The following ARID1B variants were observed in gnomAD, a reference collection of about 807,000 sequenced individuals.
ARID1B encodes AT-rich interactive domain-containing protein 1B.
ARID1B carries 30 observed loss-of-function variants against 212.3 expected under a neutral mutation model. That is an observed-to-expected ratio of 0.14 (90% CI 0.11 to 0.19). The LOEUF (loss-of-function observed/expected upper bound fraction) is 0.19, where lower values mean the gene tolerates loss of function less well. ARID1B is among the 10% of genes least tolerant of loss of function. The pLI is 1.00. For synonymous variants in ARID1B, 1,402 were observed against 1,301.7 expected (o/e 1.08, Z -1.66); for missense variants, 2,891 against 3,204.0 (o/e 0.90, Z 2.36).
chr6:157,113,799 T>A (rs192338691), intron 6 of ARID1B, among the ~76,000 whole-genome samples: 5 of 152,344 alleles, frequency 3.3e-5, no homozygotes, highest in African/African-American at 1.2e-4. Flanking sequence ...CTTTCTATTT[T>A]AAAATGACTG....
intron 5 of ARID1B, among the ~76,000 whole-genome samples, chr6:157,105,820 T>C (rs1333883914): frequency 6.6e-6 from 1 of 152,144 alleles, no homozygotes; most frequent in Non-Finnish European, 1.5e-5. Flanking sequence ...CAGGCTGGTC[T>C]TGAACTCCTG....
intron 4 of ARID1B, among the ~76,000 whole-genome samples, chr6:157,025,389 A>G (rs541751560): frequency 1.2e-4 from 18 of 152,362 alleles, no homozygotes; most frequent in South Asian, 1.0e-3. Flanking sequence ...AATGATGTGT[A>G]AGGCAGAACA....
At chr6:157,149,044 C>T in intron 8 of ARID1B, 93 bp downstream of exon 8, 1 of 1,288,980 alleles carries the variant, frequency 7.8e-7, no homozygotes, top group Non-Finnish European at 1.1e-6. Flanking sequence ...TCCCTGGGGT[C>T]ACACAGAGCA....
intron 16 of ARID1B, among the ~76,000 whole-genome samples, chr6:157,197,319 G>A (rs978625936): frequency 6.6e-6 from 1 of 152,256 alleles, no homozygotes; most frequent in African/African-American, 2.4e-5. Context: ...GAAGCTGCGT[G>A]TGCTGTTCTA....
At chr6:157,198,695 A>G (rs2128365270) in intron 16 of ARID1B, 116 bp from the exon 17 acceptor site, 1 of 799,330 alleles carries the variant, frequency 1.3e-6, no homozygotes, top group South Asian at 2.0e-5. Context: ...AGGGGTGCGC[A>G]GTAAAAGCCA....
At chr6:157,013,253 G>C (rs779075984) in intron 4 of ARID1B, among the ~76,000 whole-genome samples, 3 of 152,214 alleles carry the variant, frequency 2.0e-5, no homozygotes, top group Non-Finnish European at 2.9e-5. Context: ...AATTGCAGAG[G>C]CATTTCGTGC....
At chr6:156,847,510 C>A (rs1210303655) in intron 2 of ARID1B, among the ~76,000 whole-genome samples, 1 of 152,136 alleles carries the variant, frequency 6.6e-6, no homozygotes, top group Non-Finnish European at 1.5e-5. Flanking sequence ...AGGTCTGGGT[C>A]TGTAGAGAAC....
intron 8 of ARID1B, among the ~76,000 whole-genome samples, chr6:157,156,613 G>A (rs913057431): frequency 3.9e-5 from 6 of 152,144 alleles, no homozygotes; most frequent in Non-Finnish European, 5.9e-5. Flanking sequence ...GGGAGGGACC[G>A]GAGACCATGA....
At chr6:156,895,540 G>A (rs1397312997) in intron 2 of ARID1B, among the ~76,000 whole-genome samples, 3 of 152,196 alleles carry the variant, frequency 2.0e-5, no homozygotes, top group Admixed American at 2.0e-4. Context: ...ACCTCCTGGG[G>A]TGTCCCCTCC....
At chr6:156,983,990 T>G (rs1777774049) in intron 4 of ARID1B, among the ~76,000 whole-genome samples, 1 of 152,148 alleles carries the variant, frequency 6.6e-6, no homozygotes, top group Non-Finnish European at 1.5e-5. Flanking sequence ...ATTGTTTCCG[T>G]TTACAAATCA....
At chr6:157,007,140 C>T (rs1779294727) in intron 4 of ARID1B, among the ~76,000 whole-genome samples, 1 of 152,120 alleles carries the variant, frequency 6.6e-6, no homozygotes, top group African/African-American at 2.4e-5. Context: ...TTGGAAACAC[C>T]CCTGAAGGAC....
chr6:156,949,321 A>G (rs1391850333), intron 4 of ARID1B, among the ~76,000 whole-genome samples: 1 of 152,146 alleles, frequency 6.6e-6, no homozygotes, highest in African/African-American at 2.4e-5. Context: ...GACAAAGAAC[A>G]TTTCACACCT....
chr6:156,915,653 T>C (rs548773321), intron 3 of ARID1B, among the ~76,000 whole-genome samples: 2 of 152,008 alleles, frequency 1.3e-5, no homozygotes, highest in South Asian at 2.1e-4. Context: ...CCCAGCACTT[T>C]GGGAGGCCCA....
At chr6:156,935,202 C>T (rs1333712241) in intron 3 of ARID1B, among the ~76,000 whole-genome samples, 2 of 151,734 alleles carry the variant, frequency 1.3e-5, no homozygotes, top group Non-Finnish European at 2.9e-5. Flanking sequence ...AAGCTATCCT[C>T]CCACCTCAGC....
chr6:156,914,176 T>C (rs1416357632), intron 3 of ARID1B, among the ~76,000 whole-genome samples: 2 of 107,734 alleles, frequency 1.9e-5, no homozygotes, highest in Admixed American at 9.2e-5. Flanking sequence ...GGTGCCCCCA[T>C]TCCACTCTAC....
At chr6:156,917,498 A>ATGT (rs139299946) in intron 3 of ARID1B, among the ~76,000 whole-genome samples, 2,457 of 152,186 alleles carry the variant, frequency 0.016, 58 homozygotes, top group African/African-American at 0.055. Flanking sequence ...TTAGGAGAAG[A>ATGT]TGTTGATAAA....
intron 4 of ARID1B, among the ~76,000 whole-genome samples, chr6:157,084,133 ACC>A (rs1784806045): frequency 1.9e-5 from 2 of 106,242 alleles, no homozygotes; most frequent in African/African-American, 7.7e-5. Flanking sequence ...AGACTTCATC[ACC>A]TCCCCCCCAA....
chr6:157,072,054 A>C (rs936867543), intron 4 of ARID1B: 1 of 152,234 alleles, frequency 6.6e-6, no homozygotes, highest in Non-Finnish European at 1.5e-5. Context: ...ATATGAGCAG[A>C]ATTTTTTCTT....
chr6:157,067,421 G>A (rs968194245), intron 4 of ARID1B, among the ~76,000 whole-genome samples: 4 of 152,218 alleles, frequency 2.6e-5, no homozygotes, highest in Non-Finnish European at 2.9e-5. Context: ...TGCTAAGACA[G>A]AGTCTCCCTG....
Sources: gnomAD v4.1 joint callset for allele counts (sites outside exome capture counted in the v4.1 genomes callset) on GRCh38, gnomAD v4.1.1 for gene constraint, MANE v1.5 for transcripts, NCBI Gene and HGNC (gene_info 2026-07-23, HGNC 2026-07-21) for gene names.